Variants in LRP8 observed in about 807,000 individuals in gnomAD.
The protein encoded by LRP8 is low-density lipoprotein receptor-related protein 8.
Under a neutral mutation model 111.6 loss-of-function variants are expected in LRP8, and 46 were observed. The ratio of observed to expected loss-of-function variants is 0.41; its 90% CI spans 0.33 to 0.53. The LOEUF (loss-of-function observed/expected upper bound fraction) is 0.53. Ranked by LOEUF, LRP8 falls within the 20% of genes least tolerant of loss-of-function variation. The probability of loss-of-function intolerance (pLI) is 0.20; values close to 1 mark genes in which losing one functional copy is unlikely to be tolerated. For synonymous variants in LRP8, 464 were observed against 511.2 expected, an observed-to-expected ratio of 0.91 and a Z score of 1.24; for missense variants, 959 against 1,297.4, an observed-to-expected ratio of 0.74 and a Z score of 4.01.
In LRP8 at chr1:53,266,921, T is replaced by G; in HGVS notation, c.1253-274A>C. ...TGGCTCCCCATTTTCTCCTTAGGCC[T>G]GCACTGAAAGCCTTCCACAGTGTGA... On this transcript the variant is annotated intron_variant, in intron 8 of 18. Coordinates refer to ENST00000306052, the MANE Select transcript of LRP8 (RefSeq NM_004631.5). This position sits in a 1 kb window ranked among gnomAD's most constrained non-coding sequence, Gnocchi z 5.0. 2.6e-6 allele frequency: 1 copy of G among 379,804 alleles called. No homozygotes were observed. Among genetic ancestry groups the G allele is most frequent in the South Asian group, 3.1e-5 (1 of 31,804 alleles). The allele number at this position is 379,804 out of a possible 1,614,324, so 23.5% of individuals were successfully genotyped here.
rs1172969032 is a variant in LRP8, at chr1:53,245,913, C to G, written c.*1105G>C. ...TTGGGCTGATCTGGAAACGTCTCCA[C>G]TTAGCTCTGTAAGGATGGCACCCTT... On this transcript the variant is annotated 3_prime_UTR_variant, in exon 19 of 19. Coordinates refer to ENST00000306052, the MANE Select transcript of LRP8 (RefSeq NM_004631.5). The G allele has an allele frequency of 6.6e-6, 1 of 152,658 alleles. No individual in the cohort carries two copies. The highest frequency in any genetic ancestry group is 1.5e-5 in the Non-Finnish European group (1 of 68,044). 9.5% of individuals were successfully genotyped at this position (152,658 alleles called of 1,614,324 possible).
At chr1:53,321,552 G>GC (rs1466005496) in intron 2 of LRP8, among the ~76,000 whole-genome samples, 1 of 152,152 alleles carries the variant, frequency 6.6e-6, no homozygotes, top group Non-Finnish European at 1.5e-5. Context: ...GCTCCTCACT[G>GC]CCCCCTGGGG....
At chr1:53,289,537 C>T (rs933733430) in intron 3 of LRP8, 30 bp downstream of exon 3, 18 of 1,575,754 alleles carry the variant, frequency 1.1e-5, no homozygotes, top group Middle Eastern at 3.3e-4. Flanking sequence ...CTGAGGCCCA[C>T]CCCCACCCAG....
At chr1:53,280,559 G>C (rs753019036) in intron 4 of LRP8, 28 bp downstream of exon 4, 1 of 1,607,262 alleles carries the variant, frequency 6.2e-7, no homozygotes, top group South Asian at 1.1e-5. Flanking sequence ...ATGCTTGGCA[G>C]ACCCTGGAGA....
intron 16 of LRP8, among the ~76,000 whole-genome samples, chr1:53,252,718 G>T (rs1232962851): frequency 2.0e-5 from 3 of 152,122 alleles, no homozygotes; most frequent in African/African-American, 7.2e-5. Context: ...TTCTGGATGG[G>T]AAGCTTTAAT....
Position 53,280,649 on chromosome 1 carries a change from G to A in LRP8, c.434C>T (p.Ser145Leu), listed in dbSNP as rs147119774. 8.1e-6 allele frequency: 13 copies of A among 1,613,360 alleles called. No homozygotes were observed. Among genetic ancestry groups the A allele is most frequent in the East Asian group, 2.2e-5 (1 of 44,900 alleles). The stretch of plus-strand genomic sequence containing the variant: ...GTCCTTCTCCCCGTCGCAGCGCCAC[G>A]AGGCAGGTACACACTTGTGGCTGGT... The part of the protein sequence containing the change: ...GPTSHKCVPA[S>L]WRCDGEKDCE... Residue 145 changes from serine to leucine, a missense_variant, in exon 4 of 19, where the codon TCG (serine) becomes TTG (leucine). Around this residue, in one of 3 missense-constraint regions of LRP8, gnomAD observed 43 missense variants for 92.4 expected, o/e 0.47. Coordinates refer to ENST00000306052, the MANE Select transcript of LRP8 (RefSeq NM_004631.5).
intron 2 of LRP8, 47 bp downstream of exon 2, chr1:53,326,826 C>T: frequency 6.3e-7 from 1 of 1,586,558 alleles, no homozygotes; most frequent in South Asian, 1.1e-5. Flanking sequence ...TGCCCCCCAC[C>T]GTTCCTTTTC....
At chr1:53,247,165 A>G (rs1645752802) in intron 18 of LRP8, 109 bp from the exon 19 acceptor site, 11 of 756,328 alleles carry the variant, frequency 1.5e-5, no homozygotes, top group Middle Eastern at 2.4e-4. Flanking sequence ...AGCTCACATA[A>G]TGTTCAAACT....
At chr1:53,277,290 G>GC (rs1358692892) in intron 4 of LRP8, among the ~76,000 whole-genome samples, 3 of 152,328 alleles carry the variant, frequency 2.0e-5, no homozygotes, top group East Asian at 3.9e-4. Context: ...CCCTTTGTGA[G>GC]CCCCCCAGGC....
chr1:53,301,067 C>T (rs762346346), intron 2 of LRP8, among the ~76,000 whole-genome samples: 10 of 152,144 alleles, frequency 6.6e-5, no homozygotes, highest in Middle Eastern at 3.4e-3. Flanking sequence ...AGTCAGCACC[C>T]GCTCCGGGAG....
intron 3 of LRP8, among the ~76,000 whole-genome samples, chr1:53,281,063 C>T (rs534069446): frequency 1.8e-3 from 267 of 152,316 alleles, no homozygotes; most frequent in African/African-American, 6.0e-3. Flanking sequence ...CCATGCCCTG[C>T]ACTCTTCTCT....
At chr1:53,259,058 CTT>C (rs1386568125) in intron 13 of LRP8, among the ~76,000 whole-genome samples, 1 of 152,178 alleles carries the variant, frequency 6.6e-6, no homozygotes, top group Non-Finnish European at 1.5e-5. Context: ...TTGATGGACA[CTT>C]AGGTTGGTTC....
At chr1:53,263,755 G>C (rs1210144648) in intron 10 of LRP8, among the ~76,000 whole-genome samples, 1 of 152,182 alleles carries the variant, frequency 6.6e-6, no homozygotes, top group Non-Finnish European at 1.5e-5. Context: ...GGCATTATGA[G>C]GGGAAAAGAC....
In LRP8 at chr1:53,250,550, G is replaced by A. The variant is rs577236316; in HGVS notation, c.2676+140C>T. ...AAAAGACAGGGAGGGAGGGAAGGACGGAAGGAAAGGAGGGAGGGAAGGACG... is the reference window on the plus strand; with the variant it reads ...AAAAGACAGGGAGGGAGGGAAGGACAGAAGGAAAGGAGGGAGGGAAGGACG... On this transcript the variant is annotated intron_variant, in intron 17 of 18. Transcript: ENST00000306052. This position sits in a 1 kb window ranked among gnomAD's most constrained non-coding sequence, Gnocchi z 4.6. 88 of 681,634 alleles carry A rather than the reference G, an allele frequency of 1.3e-4. No homozygotes were observed. The highest frequency in any genetic ancestry group is 1.8e-4 in the Non-Finnish European group (72 of 403,222). The allele number at this position is 681,634 out of a possible 1,614,324, so 42.2% of individuals were successfully genotyped here.
chr1:53,262,152 G>A lies in LRP8; in HGVS notation c.1830C>T (p.Ser610=), dbSNP rs1646362769. Residue 610 remains serine (S), a synonymous_variant, in exon 12 of 19, where the codon AGC becomes AGT. Transcript: ENST00000306052. The surrounding 1 kb of genome is among the most constrained non-coding windows in gnomAD (Gnocchi z 4.8). ...WVDSKLHQLS[S]IDFSGGNRKT... ...TTCTGTTGCCTCCACTGAAGTCAAT[G>A]CTGGACAGTTGGTGTAGCTTGGAGT... 2 of 1,613,978 alleles carry A rather than the reference G, an allele frequency of 1.2e-6. No individual in the cohort carries two copies. Among genetic ancestry groups the A allele is most frequent in the African/African-American group, 2.7e-5 (2 of 74,926 alleles).
At chr1:53,305,971 G>A (rs12732372) in intron 2 of LRP8, 30,559 of 152,200 alleles carry the variant, frequency 0.2, 3,951 homozygotes, top group East Asian at 0.59. Flanking sequence ...TGTCTGAGGC[G>A]CACACATTCC....
chr1:53,284,227 CTACTACATACCCGGGCCACTTACT>C (rs879848749), intron 3 of LRP8, among the ~76,000 whole-genome samples: 153 of 67,134 alleles, frequency 2.3e-3, no homozygotes, highest in African/African-American at 6.2e-3. Flanking sequence ...GGCCACTTAC[CTACTACATACCCGGGCCACTTACT>C]TACTACATAC....
intron 2 of LRP8, among the ~76,000 whole-genome samples, chr1:53,318,691 T>C (rs1278572982): frequency 1.3e-5 from 2 of 152,048 alleles, no homozygotes; most frequent in African/African-American, 4.8e-5. Flanking sequence ...CACAATACAA[T>C]ACTATCTAGC....
rs1231317684 is a variant in LRP8 at position 53,327,943 on chromosome 1, C to T, written c.-31G>A. On this transcript the variant is annotated 5_prime_UTR_variant, in exon 1 of 19. Coordinates refer to ENST00000306052, the MANE Select transcript of LRP8 (RefSeq NM_004631.5). Reference sequence around the variant, plus strand: ...GCCCGGGGCTCCGGCCGCCGCGCCCCGCGCTCCCCGCGCCGCCGCCGCCGC... The same window carrying T: ...GCCCGGGGCTCCGGCCGCCGCGCCCTGCGCTCCCCGCGCCGCCGCCGCCGC... 1.8e-6 allele frequency: 2 copies of T among 1,121,730 alleles called. No individual in the cohort carries two copies. Among genetic ancestry groups the T allele is most frequent in the Admixed American group, 5.1e-5 (1 of 19,758 alleles). 69.5% of individuals were successfully genotyped at this position (1,121,730 alleles called of 1,614,324 possible).
Sources: allele counts gnomAD v4.1 joint callset (sites outside exome capture counted in the v4.1 genomes callset), GRCh38; gene constraint gnomAD v4.1.1; regional missense constraint gnomAD v4.1.1; non-coding constraint Gnocchi (gnomAD v3.1); transcripts MANE v1.5; gene names NCBI Gene and HGNC (gene_info 2026-07-23, HGNC 2026-07-21).